Variants in BCORL1 observed in about 807,000 individuals in gnomAD.
BCORL1 encodes the protein BCL-6 corepressor-like protein 1.
Under a neutral mutation model 87.6 loss-of-function variants are expected in BCORL1, and 7 were observed. The observed-to-expected ratio is 0.08, with a 90% CI of 0.05 to 0.15. The LOEUF (loss-of-function observed/expected upper bound fraction) is 0.15. Among genes scored for constraint, BCORL1 ranks in the 10% least tolerant of loss-of-function variants. The pLI, the probability that BCORL1 is intolerant of heterozygous loss-of-function variation, is 1.00. For missense variants in BCORL1, 1,215 were observed against 1,499.7 expected (o/e 0.81, Z 3.13); for synonymous variants, 591 against 634.4 (o/e 0.93, Z 1.03).
upstream of BCORL1, among the ~76,000 whole-genome samples, chrX:129,982,282 T>C (rs1926170633): frequency 9.0e-6 from 1 of 111,359 alleles, no homozygotes; most frequent in Non-Finnish European, 1.9e-5. Flanking sequence ...TTGCCCGGCT[T>C]GCTGCAGCCA....
intron 1 of BCORL1, among the ~76,000 whole-genome samples, chrX:129,988,721 G>C (rs1000413424): frequency 8.1e-5 from 9 of 111,402 alleles, no homozygotes; most frequent in Admixed American, 6.7e-4. Context: ...CTTTACCGTG[G>C]GTCTGCTGAG....
intron 4 of BCORL1, among the ~76,000 whole-genome samples, chrX:130,019,399 C>A (rs1282699188): frequency 8.9e-6 from 1 of 112,654 alleles, no homozygotes; most frequent in Admixed American, 9.4e-5. Context: ...TTTATTCCCC[C>A]TGACTTAAAA....
chrX:129,980,473 T>C (rs189716956), upstream of BCORL1, among the ~76,000 whole-genome samples: 11,281 of 110,877 alleles, frequency 0.1, 503 homozygotes, highest in Admixed American at 0.23. Context: ...GAAACTTGCT[T>C]CCCGCGGCCC....
At chrX:130,017,685 G>A (rs915796213) in intron 4 of BCORL1, among the ~76,000 whole-genome samples, 2 of 105,652 alleles carry the variant, frequency 1.9e-5, no homozygotes, top group South Asian at 8.6e-4. Context: ...TCTGTCACCC[G>A]GGCTGGAGTG....
At chrX:130,029,646 T>TC (rs1483209660) in intron 8 of BCORL1, among the ~76,000 whole-genome samples, 90 of 108,405 alleles carry the variant, frequency 8.3e-4, no homozygotes, top group African/African-American at 2.7e-3. Context: ...CTTATTTTTT[T>TC]TTTTCTCTCT....
At chrX:130,029,954 G>A (rs192302801) in intron 8 of BCORL1, among the ~76,000 whole-genome samples, 4 of 111,698 alleles carry the variant, frequency 3.6e-5, no homozygotes, top group African/African-American at 1.3e-4. Flanking sequence ...CACGCCTAGC[G>A]CTTTGGTGGT....
At chrX:130,046,172 C>G (rs1603173255) in intron 11 of BCORL1, among the ~76,000 whole-genome samples, 1 of 109,245 alleles carries the variant, frequency 9.2e-6, no homozygotes, top group Admixed American at 9.8e-5. Flanking sequence ...CCTTTGGTCC[C>G]CATTACTTAG....
At chrX:130,044,945 G>A (rs1307645677) in intron 11 of BCORL1, among the ~76,000 whole-genome samples, 3 of 112,483 alleles carry the variant, frequency 2.7e-5, no homozygotes, top group Non-Finnish European at 5.6e-5. Flanking sequence ...CTTAAGGTGA[G>A]GCCCATTTCT....
intron 1 of BCORL1, among the ~76,000 whole-genome samples, chrX:129,990,258 G>C (rs1280591218): frequency 9.0e-6 from 1 of 110,786 alleles, no homozygotes; most frequent in Non-Finnish European, 1.9e-5. Flanking sequence ...TTGAGATGGA[G>C]TCTCGCTCTT....
At chrX:130,021,240 C>T in intron 5 of BCORL1, 90 bp downstream of exon 5, 8 of 1,105,269 alleles carry the variant, frequency 7.2e-6, no homozygotes, top group Non-Finnish European at 9.4e-6. Flanking sequence ...GGCGCTGACT[C>T]CTTCACTCTG....
chrX:130,004,245 T>G (rs1384391739), intron 1 of BCORL1, among the ~76,000 whole-genome samples: 1 of 99,540 alleles, frequency 1.0e-5, no homozygotes, highest in Non-Finnish European at 2.0e-5. Context: ...TGTGTGGTTT[T>G]TTTTTTTTTT....
intron 11 of BCORL1, among the ~76,000 whole-genome samples, chrX:130,043,762 ATATATATATATATATATATATATT>A (rs1429035942): frequency 2.1e-4 from 3 of 14,366 alleles, no homozygotes; most frequent in East Asian, 1.5e-3. Context: ...ATATATATAT[ATATATATATATATATATATATATT>A]TTTTTTTTTT....
At chrX:129,980,898 A>G (rs1485377193), upstream of BCORL1, among the ~76,000 whole-genome samples, 1 of 69,292 alleles carries the variant, frequency 1.4e-5, no homozygotes, top group Non-Finnish European at 2.9e-5. Context: ...CCGCAGGGAG[A>G]GGGCGAGGGG....
chrX:130,031,141 A>T (rs1930577946), intron 8 of BCORL1, among the ~76,000 whole-genome samples: 1 of 112,575 alleles, frequency 8.9e-6, no homozygotes, highest in Non-Finnish European at 1.9e-5. Context: ...TTTGGCCCCC[A>T]GAAAGGAGAG....
At chrX:130,027,267 C>T (rs1930303056) in intron 7 of BCORL1, among the ~76,000 whole-genome samples, 1 of 112,777 alleles carries the variant, frequency 8.9e-6, no homozygotes, top group Non-Finnish European at 1.9e-5. Flanking sequence ...CCAAATGTGT[C>T]GCATCAAAAG....
chrX:129,999,297 CTTTTTTTT>C (rs1213156086), intron 1 of BCORL1, among the ~76,000 whole-genome samples: 26 of 39,097 alleles, frequency 6.7e-4, no homozygotes, highest in African/African-American at 2.7e-3. Context: ...TGAAACACAT[CTTTTTTTT>C]TTTTTTTTTT....
chrX:130,022,548 G>A (rs1438256683), intron 5 of BCORL1, among the ~76,000 whole-genome samples: 1 of 111,221 alleles, frequency 9.0e-6, no homozygotes, highest in African/African-American at 3.3e-5. Context: ...ATGCCCAGCA[G>A]AACTTTGTTG....
intron 11 of BCORL1, among the ~76,000 whole-genome samples, chrX:130,044,412 G>C (rs1800429375): frequency 9.0e-6 from 1 of 111,344 alleles, no homozygotes; most frequent in South Asian, 3.8e-4. Flanking sequence ...GAGCATTAGC[G>C]TCAGGGTTAT....
At chrX:129,987,515 C>T (rs1331418450) in intron 1 of BCORL1, among the ~76,000 whole-genome samples, 2 of 111,624 alleles carry the variant, frequency 1.8e-5, no homozygotes, top group Non-Finnish European at 3.8e-5. Context: ...AGTAAGGATA[C>T]TGAATGGGGG....
Sources: gnomAD v4.1 joint callset for allele counts (sites outside exome capture counted in the v4.1 genomes callset) on GRCh38, gnomAD v4.1.1 for gene constraint, MANE v1.5 for transcripts, NCBI Gene and HGNC (gene_info 2026-07-23, HGNC 2026-07-21) for gene names.